RAP1A: variants seen among roughly 807,000 people sequenced by gnomAD.
RAP1A encodes the protein RAP1A, member of RAS oncogene family.
In RAP1A, 6 loss-of-function variants were observed where a neutral mutation model predicts 26.4. That is an observed-to-expected ratio of 0.23 (90% CI 0.12 to 0.45). The LOEUF is 0.45. Among genes scored for constraint, RAP1A ranks in the 20% least tolerant of loss-of-function variants. RAP1A has a pLI of 0.99. For synonymous variants in RAP1A, 73 were observed against 79.4 expected (o/e 0.92, Z 0.43); for missense variants, 121 against 217.2 (o/e 0.56, Z 2.78).
intron 1 of RAP1A, among the ~76,000 whole-genome samples, chr1:111,613,940 G>A (rs985736738): frequency 5.9e-5 from 9 of 152,166 alleles, no homozygotes; most frequent in East Asian, 3.9e-4. Flanking sequence ...CTCTCTCTAC[G>A]AAACACACAG....
Position 111,665,970 on chromosome 1 carries a change from T to C in RAP1A, c.-27-25364T>C, listed in dbSNP as rs79437072. Among the ~76,000 whole-genome samples the C allele has an allele frequency of 9.3e-3, 1,415 of 152,334 alleles. 21 individuals are homozygous for C. Among genetic ancestry groups the C allele is most frequent in the African/African-American group, 0.032 (1,351 of 41,570 alleles). The stretch of plus-strand genomic sequence containing the variant: ...AACCTTTGGGTTTGTCTTGAAAGTA[T>C]TTTCATTTCATTTGTTTCTAAAATA... On this transcript the variant is annotated intron_variant, in intron 1 of 7. Coordinates refer to ENST00000369709, the MANE Select transcript of RAP1A (RefSeq NM_002884.4).
At chr1:111,655,601 T>C (rs1214930698) in intron 1 of RAP1A, among the ~76,000 whole-genome samples, 1 of 151,338 alleles carries the variant, frequency 6.6e-6, no homozygotes, top group African/African-American at 2.4e-5. Context: ...ACATTCCTGA[T>C]TGGAATGCCA....
chr1:111,665,834 A>G (rs1327971002), intron 1 of RAP1A, among the ~76,000 whole-genome samples: 1 of 152,160 alleles, frequency 6.6e-6, no homozygotes, highest in Non-Finnish European at 1.5e-5. Context: ...TTAAACATTT[A>G]GGAGGAAAAG....
intron 5 of RAP1A, among the ~76,000 whole-genome samples, chr1:111,703,933 G>T (rs1662100419): frequency 6.6e-6 from 1 of 152,090 alleles, no homozygotes; most frequent in Admixed American, 6.6e-5. Flanking sequence ...TGAGTAGTTG[G>T]GACTACAGGT....
chr1:111,660,308 T>C (rs185920604), intron 1 of RAP1A, among the ~76,000 whole-genome samples: 103 of 152,190 alleles, frequency 6.8e-4, no homozygotes, highest in African/African-American at 2.2e-3. Flanking sequence ...TAAGATGTTT[T>C]CCCCCCCTCT....
chr1:111,613,926 T>A (rs1658971547), intron 1 of RAP1A, among the ~76,000 whole-genome samples: 1 of 152,210 alleles, frequency 6.6e-6, no homozygotes. Flanking sequence ...CTCGCTTATA[T>A]TCTCTCTCTC....
intron 1 of RAP1A, among the ~76,000 whole-genome samples, chr1:111,597,552 C>T (rs908926032): frequency 8.5e-5 from 13 of 152,170 alleles, no homozygotes; most frequent in Non-Finnish European, 2.9e-5. Flanking sequence ...TATATTTGCT[C>T]ATTTCTCTTA....
At chr1:111,563,070 T>C (rs1657806237) in intron 1 of RAP1A, among the ~76,000 whole-genome samples, 1 of 152,206 alleles carries the variant, frequency 6.6e-6, no homozygotes, top group Admixed American at 6.5e-5. Flanking sequence ...GTAAGCAGCG[T>C]ACTCAAAGTC....
At chr1:111,577,157 C>G (rs1022998470) in intron 1 of RAP1A, among the ~76,000 whole-genome samples, 8 of 151,998 alleles carry the variant, frequency 5.3e-5, no homozygotes, top group Non-Finnish European at 7.4e-5. Flanking sequence ...AATCCCAGCA[C>G]TTTGGGAGGT....
At chr1:111,634,833 C>T (rs931686279) in intron 1 of RAP1A, among the ~76,000 whole-genome samples, 3 of 151,874 alleles carry the variant, frequency 2.0e-5, no homozygotes, top group Non-Finnish European at 2.9e-5. Flanking sequence ...TTAGTAGAGA[C>T]GGGGTTTCAC....
At chr1:111,566,974 C>G (rs1287923764) in intron 1 of RAP1A, among the ~76,000 whole-genome samples, 1 of 151,644 alleles carries the variant, frequency 6.6e-6, no homozygotes, top group Non-Finnish European at 1.5e-5. Context: ...AATGAGGGGC[C>G]CTGACACTTA....
chr1:111,654,243 A>T (rs1043037130), intron 1 of RAP1A, among the ~76,000 whole-genome samples: 4 of 152,004 alleles, frequency 2.6e-5, no homozygotes, highest in East Asian at 1.9e-4. Flanking sequence ...TATTTTTTTT[A>T]ACCTATTTTA....
intron 1 of RAP1A, among the ~76,000 whole-genome samples, chr1:111,559,140 T>C (rs1657631069): frequency 6.6e-6 from 1 of 152,130 alleles, no homozygotes; most frequent in South Asian, 2.1e-4. Flanking sequence ...TAAATAATAA[T>C]AATGAAAATA....
chr1:111,594,561 G>GAGGA (rs1217778441), intron 1 of RAP1A, among the ~76,000 whole-genome samples: 4 of 112,864 alleles, frequency 3.5e-5, no homozygotes, highest in Non-Finnish European at 7.6e-5. Context: ...AGAAGGAAAG[G>GAGGA]AGGGAGGGAA....
chr1:111,632,465 A>T (rs115641210), intron 1 of RAP1A, among the ~76,000 whole-genome samples: 447 of 152,328 alleles, frequency 2.9e-3, no homozygotes, highest in African/African-American at 0.01. Flanking sequence ...TAATTATGAT[A>T]CAGAATTTAC....
intron 1 of RAP1A, among the ~76,000 whole-genome samples, chr1:111,566,906 CTT>C (rs1029342657): frequency 1.7e-4 from 25 of 147,908 alleles, no homozygotes; most frequent in African/African-American, 6.3e-4. Context: ...GGAAGGGTCT[CTT>C]TAAGTAAAAT....
At chr1:111,562,112 T>C (rs1657764838) in intron 1 of RAP1A, among the ~76,000 whole-genome samples, 1 of 152,200 alleles carries the variant, frequency 6.6e-6, no homozygotes, top group Admixed American at 6.5e-5. Context: ...TCTTTGCTTG[T>C]GCCATTTCTT....
At chr1:111,557,275 G>A (rs1051722073) in intron 1 of RAP1A, among the ~76,000 whole-genome samples, 1 of 152,148 alleles carries the variant, frequency 6.6e-6, no homozygotes, top group South Asian at 2.1e-4. Flanking sequence ...AAGGCCAGGC[G>A]TGGTGGCTCA....
chr1:111,639,297 A>C (rs1659821855), intron 1 of RAP1A, among the ~76,000 whole-genome samples: 1 of 152,126 alleles, frequency 6.6e-6, no homozygotes, highest in Non-Finnish European at 1.5e-5. Context: ...AATAGATGTT[A>C]TAGTAGGTAA....
Sources: allele counts gnomAD v4.1 joint callset (sites outside exome capture counted in the v4.1 genomes callset), GRCh38; gene constraint gnomAD v4.1.1; transcripts MANE v1.5; gene names NCBI Gene and HGNC (gene_info 2026-07-23, HGNC 2026-07-21).